Variants in ZNF112 observed in about 807,000 individuals in gnomAD.
The protein encoded by ZNF112 is zinc finger protein 112 (Y14).
Under a neutral mutation model 77.7 loss-of-function variants are expected in ZNF112, and 37 were observed. That is an observed-to-expected ratio of 0.48 (90% CI 0.37 to 0.63). The LOEUF is 0.63. ZNF112 is among the 20% of genes least tolerant of loss of function. The pLI is 0.00. For synonymous variants in ZNF112, 333 were observed against 363.6 expected (o/e 0.92, Z 0.96); for missense variants, 950 against 1,077.4 (o/e 0.88, Z 1.66).
At chr19:44,349,615 A>C (rs1000420247) in intron 1 of ZNF112, among the ~76,000 whole-genome samples, 3 of 152,092 alleles carry the variant, frequency 2.0e-5, no homozygotes, top group Non-Finnish European at 4.4e-5. Context: ...TCATCAGAGC[A>C]GAATTTCTTC....
In ZNF112 at chr19:44,327,225, T is replaced by C. The variant is rs1568655295; in HGVS notation, c.*208A>G. On this transcript the variant is annotated 3_prime_UTR_variant, in exon 4 of 4. Transcript: ENST00000354340. ...AATTCCTGACCATACTCATATTTTATAAGCCTTAGCTCCTGTGCAATGACT... is the reference window on the plus strand; with the variant it reads ...AATTCCTGACCATACTCATATTTTACAAGCCTTAGCTCCTGTGCAATGACT... 1 of 487,714 alleles carries C rather than the reference T, an allele frequency of 2.1e-6. No individual in the cohort carries two copies. Among genetic ancestry groups the C allele is most frequent in the Non-Finnish European group, 3.6e-6 (1 of 279,034 alleles). 30.2% of individuals were successfully genotyped at this position (487,714 alleles called of 1,614,324 possible).
rs371264183 is a variant in ZNF112, at chr19:44,365,968, C to T, written c.17+1113G>A. ...AAATTTATTTAATACAAGTTTTACA[C>T]GTGACCAGAGCCTTCATTACAAAAT... On this transcript the variant is annotated intron_variant, in intron 1 of 4. Coordinates refer to the ZNF112 transcript ENST00000588057. Among the ~76,000 whole-genome samples, 34 of 152,230 alleles carry T rather than the reference C, an allele frequency of 2.2e-4. 1 individual carries two copies. Among genetic ancestry groups the T allele is most frequent in the African/African-American group, 5.5e-4 (23 of 41,538 alleles).
In ZNF112 at chr19:44,327,260, G is replaced by C. The variant is rs1173213215; in HGVS notation, c.*173C>G. On this transcript the variant is annotated 3_prime_UTR_variant, in exon 4 of 4. Transcript: ENST00000354340. ...CTCCTGTGCAATGACTGATGTTAAA[G>C]TTCTAACAAAATCCCTCGTGAAACC... 3.4e-6 allele frequency: 2 copies of C among 582,834 alleles called. No individual in the cohort carries two copies. Among genetic ancestry groups the C allele is most frequent in the Non-Finnish European group, 6.0e-6 (2 of 335,794 alleles). The allele number at this position is 582,834 out of a possible 1,614,324, so 36.1% of individuals were successfully genotyped here.
chr19:44,360,654 C>T (rs1363001141), upstream of ZNF112, among the ~76,000 whole-genome samples: 1 of 121,120 alleles, frequency 8.3e-6, no homozygotes, highest in East Asian at 2.4e-4. Flanking sequence ...TATGCATGCT[C>T]ATGTTGACTT....
chr19:44,355,329 T>C (rs774434577), intron 1 of ZNF112, among the ~76,000 whole-genome samples: 1 of 152,098 alleles, frequency 6.6e-6, no homozygotes, highest in Non-Finnish European at 1.5e-5. Flanking sequence ...GTTAGCATAA[T>C]TTTTTTCTTT....
At chr19:44,366,891 C>T (rs970710864) in intron 1 of ZNF112, among the ~76,000 whole-genome samples, 1 of 152,160 alleles carries the variant, frequency 6.6e-6, no homozygotes, top group Non-Finnish European at 1.5e-5. Context: ...CAGTTTGGTA[C>T]TACTATTCCC....
In ZNF112 at chr19:44,328,128, G is replaced by A. The variant is rs777341164; in HGVS notation, c.2029C>T (p.His677Tyr). 1.1e-5 allele frequency: 18 copies of A among 1,613,916 alleles called. No homozygotes were observed. The highest frequency in any genetic ancestry group is 1.1e-5 in the Non-Finnish European group (13 of 1,179,980). The change falls in exon 4 of 4, where the codon CAT becomes TAT. Residue 677 changes from histidine to tyrosine, a missense_variant. Physicochemically the swap from His to Tyr is moderately conservative, Grantham distance 83 (BLOSUM62 2). This residue lies in a region of ZNF112 where 373 missense variants were observed against 482.8 expected (regional missense o/e 0.77). Coordinates refer to ENST00000354340, the MANE Select transcript of ZNF112 (RefSeq NM_013380.4). Reference sequence around the variant, plus strand: ...TTCTCTCCCGTGTGGACCCTCTGATGGGCCAAAAGTGTTGAGGCCTTACTG... The same window carrying A: ...TTCTCTCCCGTGTGGACCCTCTGATAGGCCAAAAGTGTTGAGGCCTTACTG... The part of the protein sequence containing the change: ...GFSKASTLLA[H>Y]QRVHTGEKPY...
In ZNF112 at chr19:44,327,282, A is replaced by G. The variant is rs1261502117; in HGVS notation, c.*151T>C. The G allele has an allele frequency of 3.2e-6, 2 of 623,322 alleles. No homozygotes were observed. The highest frequency in any genetic ancestry group is 5.4e-6 in the Non-Finnish European group (2 of 368,154). The allele number at this position is 623,322 out of a possible 1,614,324, so 38.6% of individuals were successfully genotyped here. On this transcript the variant is annotated 3_prime_UTR_variant, in exon 4 of 4. Transcript: ENST00000354340. ...AAAGTTCTAACAAAATCCCTCGTGA[A>G]ACCCCTCTCATTAAATGTCTCTGTT...
chr19:44,340,805 A>G (rs1419894920), intron 1 of ZNF112, among the ~76,000 whole-genome samples: 1 of 152,222 alleles, frequency 6.6e-6, no homozygotes, highest in East Asian at 1.9e-4. Flanking sequence ...CCAATATTTT[A>G]AATTGTAATA....
chr19:44,359,377 G>A (rs556070794), upstream of ZNF112, among the ~76,000 whole-genome samples: 18 of 126,884 alleles, frequency 1.4e-4, no homozygotes, highest in African/African-American at 5.2e-4. Context: ...GGGCTGAAGT[G>A]CAGTGGTGCC....
At chr19:44,348,096 T>C (rs1198174844) in intron 1 of ZNF112, among the ~76,000 whole-genome samples, 1 of 152,190 alleles carries the variant, frequency 6.6e-6, no homozygotes, top group East Asian at 1.9e-4. Context: ...ATATAATATG[T>C]CATTTTCTCT....
At chr19:44,342,134 T>C (rs1970500656) in intron 1 of ZNF112, among the ~76,000 whole-genome samples, 1 of 152,224 alleles carries the variant, frequency 6.6e-6, no homozygotes, top group Non-Finnish European at 1.5e-5. Flanking sequence ...ACTAAGTACC[T>C]GTATTACTCT....
intron 2 of ZNF112, among the ~76,000 whole-genome samples, chr19:44,338,900 T>C (rs896278595): frequency 5.9e-5 from 9 of 151,976 alleles, no homozygotes; most frequent in African/African-American, 1.9e-4. Context: ...TCATCTCTAA[T>C]AAAAATATAA....
chr19:44,338,720 C>T (rs1970433928), intron 2 of ZNF112, among the ~76,000 whole-genome samples: 1 of 152,300 alleles, frequency 6.6e-6, no homozygotes, highest in South Asian at 2.1e-4. Context: ...GACAGAACAA[C>T]TATACTAGAC....
At chr19:44,348,595 GA>G (rs935833231) in intron 1 of ZNF112, among the ~76,000 whole-genome samples, 1 of 151,880 alleles carries the variant, frequency 6.6e-6, no homozygotes, top group African/African-American at 2.4e-5. Context: ...AAATGAACAA[GA>G]AAAAATATCT....
At chr19:44,343,444 T>C (rs551734014) in intron 1 of ZNF112, 8 of 651,758 alleles carry the variant, frequency 1.2e-5, no homozygotes, top group African/African-American at 1.1e-4. Flanking sequence ...ATGGGTTGGA[T>C]TCTAGCTACC....
Position 44,328,492 on chromosome 19 carries a change from T to A in ZNF112, c.1665A>T (p.Gly555=). 6.2e-7 allele frequency: 1 copy of A among 1,611,472 alleles called. No individual in the cohort carries two copies. The highest frequency in any genetic ancestry group is 8.5e-7 in the Non-Finnish European group (1 of 1,178,564). Residue 555 remains glycine (G), a synonymous_variant, in exon 4 of 4, where the codon GGA becomes GGT. Transcript: ENST00000354340. ...CTTGAAGATATGAACTCCGACTGAA[T>A]CCCTTATCACATTCCTCGCATTTAT... ...KPYKCEECDK[G]FSRSSYLQAH...
intron 3 of ZNF112, among the ~76,000 whole-genome samples, chr19:44,332,036 G>T (rs1485869633): frequency 6.6e-6 from 1 of 152,140 alleles, no homozygotes. Flanking sequence ...TGTGAGCCAG[G>T]CATGGTGACG....
At chr19:44,340,267 C>T in intron 2 of ZNF112, 149 bp downstream of exon 2, 1 of 1,053,466 alleles carries the variant, frequency 9.5e-7, no homozygotes, top group Non-Finnish European at 1.3e-6. Flanking sequence ...CCATCAGAAA[C>T]ATCTTGTCTG....
Sources: gnomAD v4.1 joint callset for allele counts (sites outside exome capture counted in the v4.1 genomes callset) on GRCh38, gnomAD v4.1.1 for gene constraint, gnomAD v4.1.1 regional missense constraint, MANE v1.5 for transcripts, NCBI Gene and HGNC (gene_info 2026-07-23, HGNC 2026-07-21) for gene names.